Variants in BAZ2B observed in about 807,000 individuals in gnomAD.
The protein encoded by BAZ2B is bromodomain adjacent to zinc finger domain 2B.
A neutral mutation model predicts 246.0 loss-of-function variants in BAZ2B; 91 were observed. The observed-to-expected ratio is 0.37, with a 90% CI of 0.31 to 0.44. The LOEUF is 0.44. Among genes scored for constraint, BAZ2B ranks in the 20% least tolerant of loss-of-function variants. The pLI is 1.00. For synonymous variants in BAZ2B, 855 were observed against 860.0 expected (o/e 0.99, Z 0.10); for missense variants, 2,332 against 2,533.7 (o/e 0.92, Z 1.71).
At chr2:159,650,348 G>A in the BAZ2B span, among the ~76,000 whole-genome samples, 25 of 151,952 alleles carry the variant, frequency 1.6e-4, no homozygotes, top group Non-Finnish European at 2.4e-4. Context: ...AATTGGAAAC[G>A]ATTTAATCCT....
At chr2:159,567,703 G>A (rs1401723411) in intron 1 of BAZ2B, among the ~76,000 whole-genome samples, 2 of 152,184 alleles carry the variant, frequency 1.3e-5, no homozygotes, top group Non-Finnish European at 2.9e-5. Flanking sequence ...GCTGGGTGTG[G>A]TGGCTCACGC....
At chr2:159,453,965 T>C (rs73967876) in intron 3 of BAZ2B, among the ~76,000 whole-genome samples, 164 bp from the exon 4 acceptor site, 4,605 of 152,242 alleles carry the variant, frequency 0.03, 212 homozygotes, top group African/African-American at 0.1. Flanking sequence ...AAAATGTTTC[T>C]AGAAACATGA....
chr2:159,404,999 T>G (rs1326641095), intron 15 of BAZ2B, 23 bp downstream of exon 15: 2 of 1,613,360 alleles, frequency 1.2e-6, no homozygotes, highest in South Asian at 2.2e-5. Flanking sequence ...TCTTCGAGTT[T>G]ATGTTACATT....
the BAZ2B span, among the ~76,000 whole-genome samples, chr2:159,638,066 A>G: frequency 6.6e-6 from 1 of 152,204 alleles, no homozygotes; most frequent in Non-Finnish European, 1.5e-5. Context: ...GTTCCAGGTG[A>G]CTCAGCACAC....
chr2:159,386,662 C>CA, intron 21 of BAZ2B, 55 bp from the exon 22 acceptor site: 1 of 1,475,642 alleles, frequency 6.8e-7, no homozygotes, highest in East Asian at 2.5e-5. Context: ...TTTTAAAAGC[C>CA]ATGATTTCGT....
At chr2:159,405,813 A>T (rs965547500) in intron 14 of BAZ2B, among the ~76,000 whole-genome samples, 2 of 146,566 alleles carry the variant, frequency 1.4e-5, no homozygotes, top group Non-Finnish European at 3.0e-5. Flanking sequence ...CTTAACATAT[A>T]AAAAAAAAAG....
chr2:159,515,164 T>C (rs905186677), intron 2 of BAZ2B, among the ~76,000 whole-genome samples: 2 of 152,122 alleles, frequency 1.3e-5, no homozygotes, highest in Non-Finnish European at 2.9e-5. Flanking sequence ...AATACTACAG[T>C]TTAAAAATTA....
chr2:159,686,401 CA>C, the BAZ2B span, among the ~76,000 whole-genome samples: 2 of 152,014 alleles, frequency 1.3e-5, no homozygotes, highest in East Asian at 3.9e-4. Flanking sequence ...GTATTATTTC[CA>C]AAAAACAAAT....
the BAZ2B span, among the ~76,000 whole-genome samples, chr2:159,688,748 T>C: frequency 6.6e-6 from 1 of 152,344 alleles, no homozygotes; most frequent in South Asian, 2.1e-4. Flanking sequence ...TTCATGACCT[T>C]GACATTTTTG....
chr2:159,631,308 T>A, the BAZ2B span, among the ~76,000 whole-genome samples: 2 of 152,218 alleles, frequency 1.3e-5, no homozygotes, highest in Non-Finnish European at 2.9e-5. Context: ...AATGTATGTA[T>A]TAGAATGAAC....
At chr2:159,366,784 T>C (rs998815060) in intron 27 of BAZ2B, among the ~76,000 whole-genome samples, 1 of 152,216 alleles carries the variant, frequency 6.6e-6, no homozygotes, top group African/African-American at 2.4e-5. Flanking sequence ...TGGTATATTG[T>C]TTGTTTTAGA....
At chr2:159,375,244 T>TC (rs1352800258) in intron 25 of BAZ2B, among the ~76,000 whole-genome samples, 7 of 151,066 alleles carry the variant, frequency 4.6e-5, no homozygotes, top group Non-Finnish European at 1.0e-4. Context: ...CACAATAAAC[T>TC]CCCCCAAAGC....
rs113389623 is a variant in BAZ2B at position 159,451,122 on chromosome 2, G to A, written c.334+2491C>T. Among the ~76,000 whole-genome samples the A allele has an allele frequency of 3.1e-4, 47 of 151,964 alleles. 2 individuals are homozygous for A. Among genetic ancestry groups the A allele is most frequent in the Admixed American group, 2.2e-3 (34 of 15,258 alleles). On this transcript the variant is annotated intron_variant, in intron 4 of 36. Coordinates refer to ENST00000392783, the MANE Select transcript of BAZ2B (RefSeq NM_013450.4). ...GAAGATTTAGCAGAATTTAAAAATCGTTCATACTTGATAGAGCCAAAAATA... is the reference window on the plus strand; with the variant it reads ...GAAGATTTAGCAGAATTTAAAAATCATTCATACTTGATAGAGCCAAAAATA...
chr2:159,427,889 GT>G, intron 13 of BAZ2B, 51 bp downstream of exon 13: 1 of 1,406,814 alleles, frequency 7.1e-7, no homozygotes, highest in Non-Finnish European at 1.0e-6. Flanking sequence ...CTTCATTTAG[GT>G]TATGGTACTA....
At chr2:159,355,551 T>G (rs2059016056) in intron 27 of BAZ2B, among the ~76,000 whole-genome samples, 1 of 152,324 alleles carries the variant, frequency 6.6e-6, no homozygotes, top group African/African-American at 2.4e-5. Context: ...GCTTTAACCA[T>G]ATCCTAATAC....
At chr2:159,711,175 T>G in the BAZ2B span, among the ~76,000 whole-genome samples, 1 of 152,212 alleles carries the variant, frequency 6.6e-6, no homozygotes, top group African/African-American at 2.4e-5. Flanking sequence ...TCCGTGTATC[T>G]ATAACCACAA....
chr2:159,644,721 T>C, the BAZ2B span, among the ~76,000 whole-genome samples: 7 of 152,216 alleles, frequency 4.6e-5, no homozygotes. Context: ...ATTGCATTTC[T>C]ATTCCTAGCT....
chr2:159,700,546 A>G, the BAZ2B span, among the ~76,000 whole-genome samples: 1 of 152,138 alleles, frequency 6.6e-6, no homozygotes, highest in African/African-American at 2.4e-5. Context: ...CCCGGGTTCC[A>G]GTGATTCTTC....
At chr2:159,658,922 G>GCGT in the BAZ2B span, among the ~76,000 whole-genome samples, 5 of 152,128 alleles carry the variant, frequency 3.3e-5, no homozygotes, top group Admixed American at 6.5e-5. Context: ...CCAAAGTACT[G>GCGT]GGATTACAGG....
Sources: allele counts gnomAD v4.1 joint callset (sites outside exome capture counted in the v4.1 genomes callset), GRCh38; gene constraint gnomAD v4.1.1; transcripts MANE v1.5; gene names NCBI Gene and HGNC (gene_info 2026-07-23, HGNC 2026-07-21).